The following AP5Z1 variants were observed in gnomAD, a reference collection of about 807,000 sequenced individuals.
AP5Z1 encodes adaptor related protein complex 5 subunit zeta 1, also known as AP-5 complex subunit zeta-1.
A neutral mutation model predicts 83.0 loss-of-function variants in AP5Z1; 106 were observed. The observed-to-expected ratio is 1.28, with a 90% confidence interval of 1.09 to 1.50. AP5Z1 has a LOEUF of 1.50. Ranked by LOEUF, AP5Z1 falls within the 40% of genes most tolerant of loss-of-function variation. The pLI is 0.00. For missense variants in AP5Z1, 1,565 were observed against 1,094.2 expected, an observed-to-expected ratio of 1.43 and a Z score of -6.07; for synonymous variants, 751 against 514.1, an observed-to-expected ratio of 1.46 and a Z score of -6.23.
intron 1 of AP5Z1, among the ~76,000 whole-genome samples, chr7:4,779,072 A>T (rs772149733): frequency 5.9e-4 from 86 of 146,140 alleles, no homozygotes; most frequent in Non-Finnish European, 7.6e-4. Context: ...ATAAAAATAT[A>T]TTTTTATATG....
At position 4,786,431 on chromosome 7, in the gene AP5Z1, A is replaced by G; in HGVS notation, c.1311+3A>G. On this transcript the variant is annotated splice_donor_region_variant and intron_variant, in intron 10 of 16. Coordinates refer to ENST00000649063, the MANE Select transcript of AP5Z1 (RefSeq NM_014855.3). ...TGAGCTTCCCCAACCTCTTTAAGGT[A>G]TATTTGGGCATCCCTGGGTGCCAGG... is the stretch of plus-strand genomic sequence containing the variant. 1.9e-6 allele frequency: 3 copies of G among 1,613,354 alleles called. No homozygotes were observed. The highest frequency in any genetic ancestry group is 2.5e-6 in the Non-Finnish European group (3 of 1,179,722).
chr7:4,790,169 G>A lies in AP5Z1; in HGVS notation c.1805+240G>A, dbSNP rs181531717. 4.6e-6 allele frequency: 7 copies of A among 1,527,042 alleles called. No individual in the cohort carries two copies. In the African/African-American group the frequency reaches 8.4e-5, roughly 18 times the overall value. 94.6% of individuals were successfully genotyped at this position (1,527,042 alleles called of 1,614,324 possible). A position where few individuals can be genotyped will look rare whatever the true frequency, so the allele number is the denominator to read the frequency against. On this transcript the variant is annotated intron_variant, in intron 14 of 16. Coordinates refer to ENST00000649063, the MANE Select transcript of AP5Z1 (RefSeq NM_014855.3). ...GCCTGTCCTCTTCAGGGTTAGCTCA[G>A]GTCCCTCTTCCCCGTCTTGTCCCCT...
In AP5Z1 at chr7:4,790,696, G is replaced by C; in HGVS notation, c.1962G>C (p.Leu654=). 6.2e-7 allele frequency: 1 copy of C among 1,611,700 alleles called. No homozygotes were observed. Among genetic ancestry groups the C allele is most frequent in the South Asian group, 1.1e-5 (1 of 90,938 alleles). ...AGGTGTGGGCCATCGGCGAGTACCT[G>C]TCGGTGACCTACGATCGGAGGTGCA... ...TSVVWAIGEY[L]SVTYDRRCTV... The change falls in exon 16 of 17, where the codon CTG becomes CTC. Residue 654 remains leucine (L), a synonymous_variant. Coordinates refer to ENST00000649063, the MANE Select transcript of AP5Z1 (RefSeq NM_014855.3).
chr7:4,790,289 CCAGTGAGAA>C (rs761389199), intron 14 of AP5Z1, 161 bp from the exon 15 acceptor site: 4 of 1,544,904 alleles, frequency 2.6e-6, no homozygotes, highest in Non-Finnish European at 3.5e-6. Context: ...AGCCTTCTCC[CCAGTGAGAA>C]CAGTTTCTCT....
At chr7:4,778,265 C>T (rs1166852736) in intron 1 of AP5Z1, among the ~76,000 whole-genome samples, 1 of 152,102 alleles carries the variant, frequency 6.6e-6, no homozygotes, top group Non-Finnish European at 1.5e-5. Context: ...TTTAGTTTCT[C>T]TCTAAATGTG....
rs1183497401 is a variant in AP5Z1 at position 4,794,246 on chromosome 7, C to T, written c.*2861C>T. 2.0e-5 allele frequency: 3 copies of T among 152,214 alleles called. No individual in the cohort carries two copies. The highest frequency in any genetic ancestry group is 4.4e-5 in the Non-Finnish European group (3 of 68,076). 9.4% of individuals were successfully genotyped at this position (152,214 alleles called of 1,614,324 possible). A position where few individuals can be genotyped will look rare whatever the true frequency, so the allele number is the denominator to read the frequency against. On this transcript the variant is annotated 3_prime_UTR_variant, in exon 17 of 17. Transcript: ENST00000649063. ...CAATCAGCACCCTGTCAAAACAGACCACTCGGCTCTACCAGTCAGCAGGAT... is the reference window on the plus strand; with the variant it reads ...CAATCAGCACCCTGTCAAAACAGACTACTCGGCTCTACCAGTCAGCAGGAT...
In AP5Z1 at chr7:4,793,262, T is replaced by A. The variant is rs553705355; in HGVS notation, c.*1877T>A. On this transcript the variant is annotated 3_prime_UTR_variant, in exon 17 of 17. Coordinates refer to ENST00000649063, the MANE Select transcript of AP5Z1 (RefSeq NM_014855.3). ...AAAGCTCACCAGCTCTCAACTTTTT[T>A]TTTAAATAAACTGAAATTTTAGAAT... 1 of 152,420 alleles carries A rather than the reference T, an allele frequency of 6.6e-6. No homozygotes were observed. Among genetic ancestry groups the A allele is most frequent in the Non-Finnish European group, 1.5e-5 (1 of 68,048 alleles). 9.4% of individuals were successfully genotyped at this position (152,420 alleles called of 1,614,324 possible).
Position 4,791,691 on chromosome 7 carries a change from G to GTCTT in AP5Z1, c.*308_*311dup, listed in dbSNP as rs1231593677. ...TGGAGGCTGCTGGGTCTGTTTCCTAGTCTTTTGTTTTTGGACAGTTGATGG... is the reference window on the plus strand; with the variant it reads ...TGGAGGCTGCTGGGTCTGTTTCCTAGTCTTTCTTTTGTTTTTGGACAGTTGATGG... On this transcript the variant is annotated 3_prime_UTR_variant, in exon 17 of 17. Transcript: ENST00000649063. 5 of 467,600 alleles carry GTCTT rather than the reference G, an allele frequency of 1.1e-5. No homozygotes were observed. Among genetic ancestry groups the GTCTT allele is most frequent in the Admixed American group, 7.5e-5 (2 of 26,812 alleles). 29.0% of individuals were successfully genotyped at this position (467,600 alleles called of 1,614,324 possible).
At chr7:4,789,081 CTG>C in intron 13 of AP5Z1, 130 bp downstream of exon 13, 1 of 794,662 alleles carries the variant, frequency 1.3e-6, no homozygotes, top group East Asian at 2.7e-5. Context: ...TCCACGGTCC[CTG>C]TGAGGGTCAG....
At chr7:4,779,826 T>G (rs944544711) in intron 1 of AP5Z1, among the ~76,000 whole-genome samples, 1 of 152,010 alleles carries the variant, frequency 6.6e-6, no homozygotes, top group African/African-American at 2.4e-5. Flanking sequence ...GTATTTTTAG[T>G]AGAAACGGGG....
At chr7:4,787,877 C>T (rs774185344) in intron 11 of AP5Z1, 101 bp downstream of exon 11, 18 of 1,368,090 alleles carry the variant, frequency 1.3e-5, no homozygotes, top group Non-Finnish European at 1.7e-5. Context: ...CGGGGACCCT[C>T]CTTCTTCCCC....
intron 1 of AP5Z1, among the ~76,000 whole-genome samples, chr7:4,779,303 A>G (rs1301552286): frequency 1.4e-5 from 2 of 147,130 alleles, no homozygotes; most frequent in Non-Finnish European, 3.0e-5. Context: ...AACAACATAT[A>G]TAACGTATAT....
At chr7:4,783,169 G>C (rs1163659465) in intron 3 of AP5Z1, 147 bp from the exon 4 acceptor site, 12 of 1,250,454 alleles carry the variant, frequency 9.6e-6, no homozygotes, top group Non-Finnish European at 1.2e-5. Flanking sequence ...CCCGGGGTGG[G>C]CCTGCGCGGG....
chr7:4,779,196 AATAT>A lies in AP5Z1; in HGVS notation c.42-1975_42-1972del, dbSNP rs573778418. 1.2e-3 allele frequency among the ~76,000 whole-genome samples: 173 copies of A among 146,688 alleles called. 1 individual carries two copies. The highest frequency in any genetic ancestry group is 4.3e-3 in the African/African-American group (172 of 40,422). ...TATAACATAACATATATAACAACAT[AATAT>A]ATAGCATATATTATGTATAACATAT... On this transcript the variant is annotated intron_variant, in intron 1 of 16. Coordinates refer to ENST00000649063, the MANE Select transcript of AP5Z1 (RefSeq NM_014855.3).
At position 4,788,281 on chromosome 7, in the gene AP5Z1, G is replaced by T; in HGVS notation, c.1582G>T (p.Gly528Cys). Reference protein sequence around the residue: ...FQYLLRPKASGATERLAPLHQ... With the variant: ...FQYLLRPKASCATERLAPLHQ... ...ATACCTGCTGCGCCCCAAGGCCAGT[G>T]GCGCCACTGAGAGGTACGGGGCCCT... The change falls in exon 12 of 17, where the codon GGC becomes TGC. Residue 528 changes from glycine to cysteine, a missense_variant. Coordinates refer to ENST00000649063, the MANE Select transcript of AP5Z1 (RefSeq NM_014855.3). The T allele has an allele frequency of 6.3e-7, 1 of 1,591,602 alleles. No homozygotes were observed. The highest frequency in any genetic ancestry group is 1.3e-5 in the African/African-American group (1 of 74,624).
chr7:4,783,529 G>GTGGGT, intron 4 of AP5Z1, 69 bp downstream of exon 4: 1 of 1,584,916 alleles, frequency 6.3e-7, no homozygotes. Flanking sequence ...AGGGCCCATG[G>GTGGGT]TGGGTTGGGA....
chr7:4,779,378 C>CATATAACATGATTATATATCAT (rs1554257081), intron 1 of AP5Z1, among the ~76,000 whole-genome samples: 2 of 146,404 alleles, frequency 1.4e-5, no homozygotes, highest in African/African-American at 5.0e-5. Context: ...TGTTATATGT[C>CATATAACATGATTATATATCAT]ATATAACATG....
At chr7:4,782,960 A>G (rs993125776) in intron 3 of AP5Z1, among the ~76,000 whole-genome samples, 1 of 152,098 alleles carries the variant, frequency 6.6e-6, no homozygotes, top group Admixed American at 6.5e-5. Context: ...GGGTGTGCAG[A>G]GTGAGGTGGG....
chr7:4,789,278 C>T (rs1279631589), intron 13 of AP5Z1, among the ~76,000 whole-genome samples: 2 of 152,062 alleles, frequency 1.3e-5, no homozygotes, highest in Admixed American at 6.5e-5. Context: ...CATCCAACTG[C>T]CCCAGCAGGC....
Sources: allele counts gnomAD v4.1 joint callset (sites outside exome capture counted in the v4.1 genomes callset), GRCh38; gene constraint gnomAD v4.1.1; transcripts MANE v1.5; gene names NCBI Gene and HGNC (gene_info 2026-07-23, HGNC 2026-07-21).